CLEC16A: variants seen among roughly 807,000 people sequenced by gnomAD.
CLEC16A encodes C-type lectin domain containing 16A, also known as protein CLEC16A.
Under a neutral mutation model 109.5 loss-of-function variants are expected in CLEC16A, and 51 were observed. The observed-to-expected ratio is 0.47, with a 90% CI of 0.37 to 0.59. The LOEUF is 0.59. CLEC16A is among the 20% of genes least tolerant of loss of function. CLEC16A has a pLI of 0.00. For missense variants in CLEC16A, 1,339 were observed against 1,394.0 expected, an observed-to-expected ratio of 0.96 and a Z score of 0.63; for synonymous variants, 673 against 564.2, an observed-to-expected ratio of 1.19 and a Z score of -2.73.
At chr16:11,060,322 G>A (rs2048412009) in intron 18 of CLEC16A, among the ~76,000 whole-genome samples, 1 of 145,182 alleles carries the variant, frequency 6.9e-6, no homozygotes, top group Non-Finnish European at 1.5e-5. Context: ...GGGAGTTGAA[G>A]AGACTCACCC....
chr16:10,955,093 C>A (rs7186264), intron 1 of CLEC16A, among the ~76,000 whole-genome samples: 27,290 of 152,168 alleles, frequency 0.18, 2,651 homozygotes, highest in South Asian at 0.29. Flanking sequence ...GGTGAAGCGC[C>A]TTGTCCAAGG....
chr16:11,076,311 C>T (rs894049119), intron 19 of CLEC16A, among the ~76,000 whole-genome samples: 1 of 152,218 alleles, frequency 6.6e-6, no homozygotes, highest in Non-Finnish European at 1.5e-5. Flanking sequence ...GCCCCAAAAC[C>T]CCCACTCTGC....
chr16:11,170,895 G>A (rs1273783431), intron 23 of CLEC16A, among the ~76,000 whole-genome samples: 1 of 152,240 alleles, frequency 6.6e-6, no homozygotes, highest in Non-Finnish European at 1.5e-5. Flanking sequence ...ATGCAGAACA[G>A]TGCGGGAGGC....
chr16:10,964,168 T>G (rs1596772656), intron 3 of CLEC16A, among the ~76,000 whole-genome samples: 1 of 152,194 alleles, frequency 6.6e-6, no homozygotes, highest in Non-Finnish European at 1.5e-5. Flanking sequence ...GTGAAAGGGC[T>G]GCTGAGTGAT....
rs533347043 is a variant in CLEC16A at position 11,171,843 on chromosome 16, C to A, written c.2806+5291C>A. Among the ~76,000 whole-genome samples the A allele has an allele frequency of 7.5e-4, 114 of 152,274 alleles. 1 individual carries two copies. The highest frequency in any genetic ancestry group is 2.6e-3 in the African/African-American group (107 of 41,546). ...ATACAAATGTGCATGCATAGTCACACTCCCACACAGTCACACACATGCCAG... is the reference window on the plus strand; with the variant it reads ...ATACAAATGTGCATGCATAGTCACAATCCCACACAGTCACACACATGCCAG... On this transcript the variant is annotated intron_variant, in intron 23 of 23. Transcript: ENST00000409790.
intron 1 of CLEC16A, 105 bp downstream of exon 1, chr16:10,944,902 G>T (rs1191654590): frequency 7.5e-6 from 8 of 1,072,366 alleles, no homozygotes; most frequent in Non-Finnish European, 1.1e-5. Flanking sequence ...GGCGAAGGGC[G>T]CCCGGGGAAG....
chr16:11,080,060 C>T (rs529748423), intron 19 of CLEC16A, among the ~76,000 whole-genome samples: 4 of 152,340 alleles, frequency 2.6e-5, no homozygotes, highest in African/African-American at 9.6e-5. Context: ...TAATAGATCC[C>T]ATCTGTTTCC....
At chr16:11,159,311 T>C (rs1030054335) in intron 22 of CLEC16A, among the ~76,000 whole-genome samples, 2 of 152,208 alleles carry the variant, frequency 1.3e-5, no homozygotes, top group Admixed American at 1.3e-4. Context: ...TTTCTCAGTG[T>C]GCGTGTGTCT....
chr16:10,960,806 G>T (rs542967984), intron 2 of CLEC16A, among the ~76,000 whole-genome samples: 17 of 152,102 alleles, frequency 1.1e-4, no homozygotes, highest in Admixed American at 2.6e-4. Context: ...TATACTTTGG[G>T]CTATAATTCA....
intron 19 of CLEC16A, among the ~76,000 whole-genome samples, chr16:11,119,233 C>T (rs776792367): frequency 7.2e-5 from 11 of 152,238 alleles, no homozygotes; most frequent in South Asian, 4.1e-4. Context: ...TAAGTCGTGA[C>T]GTCAAGTGAT....
At chr16:11,158,936 C>T (rs2153086601) in intron 22 of CLEC16A, among the ~76,000 whole-genome samples, 1 of 149,736 alleles carries the variant, frequency 6.7e-6, no homozygotes, top group East Asian at 1.9e-4. Context: ...AAAAAAAAAA[C>T]AGAGGCTGGA....
intron 11 of CLEC16A, among the ~76,000 whole-genome samples, chr16:11,004,311 G>A (rs1226224151): frequency 6.6e-6 from 1 of 152,164 alleles, no homozygotes; most frequent in Non-Finnish European, 1.5e-5. Flanking sequence ...CGTCGTCCTG[G>A]GCACTGGGGC....
chr16:11,024,635 C>A, intron 12 of CLEC16A, 186 bp from the exon 13 acceptor site: 1 of 536,376 alleles, frequency 1.9e-6, no homozygotes, highest in Non-Finnish European at 3.4e-6. Context: ...CTCTGGATAG[C>A]GGCTTCCGCA....
intron 13 of CLEC16A, among the ~76,000 whole-genome samples, chr16:11,031,039 G>A (rs1267197971): frequency 6.6e-6 from 1 of 152,114 alleles, no homozygotes; most frequent in Non-Finnish European, 1.5e-5. Flanking sequence ...TCTCCATGAG[G>A]TTCCTGTGGC....
chr16:10,975,790 G>A (rs780590096), intron 7 of CLEC16A, among the ~76,000 whole-genome samples: 13 of 151,956 alleles, frequency 8.6e-5, no homozygotes, highest in Non-Finnish European at 1.8e-4. Flanking sequence ...GGGACTACAG[G>A]TGCATGCCAC....
chr16:10,993,214 C>CA (rs1212838117), intron 10 of CLEC16A, among the ~76,000 whole-genome samples: 1 of 151,768 alleles, frequency 6.6e-6, no homozygotes, highest in African/African-American at 2.4e-5. Flanking sequence ...CCTGTCTCTT[C>CA]AAAAAAATAC....
At chr16:11,103,528 C>T (rs2051043073) in intron 19 of CLEC16A, among the ~76,000 whole-genome samples, 1 of 152,128 alleles carries the variant, frequency 6.6e-6, no homozygotes, top group Admixed American at 6.5e-5. Context: ...TGCAATAAGC[C>T]AGGAATGCGC....
At chr16:11,061,169 G>A (rs1159359771) in intron 19 of CLEC16A, 147 bp downstream of exon 19, 28 of 949,390 alleles carry the variant, frequency 2.9e-5, no homozygotes, top group African/African-American at 5.1e-5. Context: ...CCAGCGGTGT[G>A]CATGTCCCAT....
intron 18 of CLEC16A, among the ~76,000 whole-genome samples, chr16:11,058,856 G>A (rs1355070247): frequency 6.6e-6 from 1 of 152,222 alleles, no homozygotes. Flanking sequence ...TTTGGGCACA[G>A]AAATGAGCGT....
Sources: allele counts gnomAD v4.1 joint callset (sites outside exome capture counted in the v4.1 genomes callset), GRCh38; gene constraint gnomAD v4.1.1; transcripts MANE v1.5; gene names NCBI Gene and HGNC (gene_info 2026-07-23, HGNC 2026-07-21).